DNAJC1: variants seen among roughly 807,000 people sequenced by gnomAD.
The protein encoded by DNAJC1 is dnaJ homolog subfamily C member 1.
A neutral mutation model predicts 76.6 loss-of-function variants in DNAJC1; 58 were observed. The ratio of observed to expected loss-of-function variants is 0.76; its 90% confidence interval spans 0.61 to 0.94. The LOEUF (loss-of-function observed/expected upper bound fraction) is 0.94. Among genes scored for constraint, DNAJC1 ranks in the 40% least tolerant of loss-of-function variants. DNAJC1 has a pLI of 0.00. For synonymous variants in DNAJC1, 258 were observed against 267.9 expected, an observed-to-expected ratio of 0.96 and a Z score of 0.36; for missense variants, 689 against 677.3, an observed-to-expected ratio of 1.02 and a Z score of -0.19.
intron 1 of DNAJC1, among the ~76,000 whole-genome samples, chr10:22,001,841 C>T (rs1838523398): frequency 6.6e-6 from 1 of 152,136 alleles, no homozygotes; most frequent in Non-Finnish European, 1.5e-5. Context: ...TAAAAGTCAT[C>T]AGAGCTTCAC....
At chr10:21,853,756 C>G (rs1835789397) in intron 8 of DNAJC1, among the ~76,000 whole-genome samples, 1 of 140,354 alleles carries the variant, frequency 7.1e-6, no homozygotes, top group African/African-American at 2.8e-5. Flanking sequence ...ATTGCACACT[C>G]CAGCCTGGGC....
chr10:21,799,484 T>G (rs1187864435), intron 9 of DNAJC1, among the ~76,000 whole-genome samples: 1 of 152,074 alleles, frequency 6.6e-6, no homozygotes, highest in African/African-American at 2.4e-5. Context: ...CCTTTTCTTG[T>G]AAAGATGAAG....
intron 1 of DNAJC1, among the ~76,000 whole-genome samples, chr10:21,953,480 A>G (rs1255665566): frequency 6.6e-6 from 1 of 152,020 alleles, no homozygotes; most frequent in South Asian, 2.1e-4. Context: ...ATTAATTTCC[A>G]TAATTACATC....
intron 1 of DNAJC1, among the ~76,000 whole-genome samples, chr10:21,931,784 C>T (rs947625615): frequency 3.3e-5 from 5 of 152,158 alleles, no homozygotes; most frequent in Non-Finnish European, 4.4e-5. Context: ...GAACATTCAT[C>T]TCCCATATTC....
chr10:21,885,206 G>A (rs575158034), intron 7 of DNAJC1, among the ~76,000 whole-genome samples: 71 of 151,828 alleles, frequency 4.7e-4, no homozygotes, highest in Admixed American at 8.5e-4. Flanking sequence ...AAAAAAGCAG[G>A]GGTTGCAATC....
chr10:21,815,576 C>T (rs1305856038), intron 8 of DNAJC1, among the ~76,000 whole-genome samples: 1 of 152,176 alleles, frequency 6.6e-6, no homozygotes, highest in Non-Finnish European at 1.5e-5. Context: ...AAACTTCACA[C>T]TTGTTGGCAA....
At chr10:21,810,903 G>A (rs528991088) in intron 8 of DNAJC1, among the ~76,000 whole-genome samples, 20 of 152,268 alleles carry the variant, frequency 1.3e-4, no homozygotes, top group African/African-American at 4.8e-4. Context: ...TTATAGATTT[G>A]GTGAATATGT....
intron 8 of DNAJC1, among the ~76,000 whole-genome samples, chr10:21,834,047 G>A (rs538135770): frequency 1.4e-4 from 22 of 152,134 alleles, no homozygotes; most frequent in Non-Finnish European, 2.9e-4. Context: ...GGCGGACCAC[G>A]AGGTCAGGAG....
At chr10:21,816,089 C>T (rs770328444) in intron 8 of DNAJC1, among the ~76,000 whole-genome samples, 1 of 151,590 alleles carries the variant, frequency 6.6e-6, no homozygotes, top group Middle Eastern at 3.4e-3. Context: ...TGTTCCAATA[C>T]CCTATCCTAG....
chr10:21,948,191 A>C (rs1837537250), intron 1 of DNAJC1, among the ~76,000 whole-genome samples: 2 of 151,786 alleles, frequency 1.3e-5, no homozygotes, highest in African/African-American at 4.8e-5. Flanking sequence ...CCCGGGTTCA[A>C]GTGATTCTCC....
intron 8 of DNAJC1, among the ~76,000 whole-genome samples, chr10:21,811,975 G>A (rs968379933): frequency 2.0e-5 from 3 of 151,950 alleles, no homozygotes; most frequent in South Asian, 2.1e-4. Flanking sequence ...ACTTGACATG[G>A]TCAGTTGTTT....
chr10:21,854,919 T>C (rs940472055), intron 8 of DNAJC1, among the ~76,000 whole-genome samples: 8 of 152,192 alleles, frequency 5.3e-5, no homozygotes, highest in Non-Finnish European at 8.8e-5. Flanking sequence ...GGTTGTAAAG[T>C]TTCTCAGCCA....
At chr10:21,984,868 G>C (rs1174767265) in intron 1 of DNAJC1, among the ~76,000 whole-genome samples, 1 of 152,146 alleles carries the variant, frequency 6.6e-6, no homozygotes, top group Non-Finnish European at 1.5e-5. Context: ...AAATAACCTT[G>C]TGTACTCAGT....
chr10:21,812,524 C>T (rs1374208204), intron 8 of DNAJC1, among the ~76,000 whole-genome samples: 1 of 151,432 alleles, frequency 6.6e-6, no homozygotes, highest in East Asian at 1.9e-4. Flanking sequence ...ATAAGTATTA[C>T]CAAATATTTT....
intron 3 of DNAJC1, among the ~76,000 whole-genome samples, chr10:21,923,448 T>A (rs983810330): frequency 1.1e-4 from 16 of 152,008 alleles, no homozygotes; most frequent in African/African-American, 3.9e-4. Context: ...CATCACTGTA[T>A]TAGGCTTTTC....
At chr10:21,970,054 T>C (rs1171680822) in intron 1 of DNAJC1, among the ~76,000 whole-genome samples, 2 of 152,206 alleles carry the variant, frequency 1.3e-5, no homozygotes, top group Non-Finnish European at 2.9e-5. Context: ...GTATTTAAGT[T>C]ACTTTCTTAA....
chr10:21,858,356 T>G (rs1417673030), intron 8 of DNAJC1, among the ~76,000 whole-genome samples: 1 of 152,208 alleles, frequency 6.6e-6, no homozygotes, highest in Non-Finnish European at 1.5e-5. Flanking sequence ...CTAAACAAGT[T>G]TTCTATTTTG....
chr10:21,935,069 T>C (rs969605718), intron 1 of DNAJC1, among the ~76,000 whole-genome samples: 5 of 152,112 alleles, frequency 3.3e-5, no homozygotes, highest in African/African-American at 9.7e-5. Flanking sequence ...AAATGTCTAA[T>C]ACTCAATAAA....
chr10:21,756,997 G>A (rs544011621), intron 11 of DNAJC1, among the ~76,000 whole-genome samples: 2 of 152,330 alleles, frequency 1.3e-5, no homozygotes, highest in South Asian at 2.1e-4. Flanking sequence ...GGGCTGGGGC[G>A]GCCGTTTGTG....
Sources: allele counts gnomAD v4.1 joint callset (sites outside exome capture counted in the v4.1 genomes callset), GRCh38; gene constraint gnomAD v4.1.1; transcripts MANE v1.5; gene names NCBI Gene and HGNC (gene_info 2026-07-23, HGNC 2026-07-21).